Variants in DEFB107B observed in about 807,000 individuals in gnomAD.
The protein encoded by DEFB107B is beta-defensin 107.
intron 1 of DEFB107B, among the ~76,000 whole-genome samples, chr8:7,497,562 C>T (rs1811801327): frequency 6.6e-6 from 1 of 152,142 alleles, no homozygotes; most frequent in Non-Finnish European, 1.5e-5. Context: ...TCAGTGACTC[C>T]ATGAAAGTCT....
chr8:7,496,435 G>A (rs1342423626), intron 1 of DEFB107B, among the ~76,000 whole-genome samples: 1 of 149,180 alleles, frequency 6.7e-6, no homozygotes, highest in East Asian at 2.0e-4. Context: ...GAGTAGCTGG[G>A]ACTACACGCA....
intron 1 of DEFB107B, among the ~76,000 whole-genome samples, chr8:7,496,633 A>G: frequency 8.0e-6 from 1 of 124,972 alleles, no homozygotes; most frequent in African/African-American, 3.1e-5. Flanking sequence ...TAAAATGAAA[A>G]AAAAAAAAAA....
At chr8:7,496,591 C>G (rs1434136782) in intron 1 of DEFB107B, among the ~76,000 whole-genome samples, 1 of 146,766 alleles carries the variant, frequency 6.8e-6, no homozygotes, top group African/African-American at 2.5e-5. Context: ...TGAGCCACCG[C>G]GCCTGGCCAG....
intron 1 of DEFB107B, among the ~76,000 whole-genome samples, chr8:7,496,571 A>G (rs1811752277): frequency 6.7e-6 from 1 of 150,316 alleles, no homozygotes; most frequent in South Asian, 2.1e-4. Context: ...GAGCCCTGGG[A>G]TTACAGGCAT....
chr8:7,496,518 T>C (rs2946413), intron 1 of DEFB107B, among the ~76,000 whole-genome samples: 2 of 152,032 alleles, frequency 1.3e-5, no homozygotes, highest in Non-Finnish European at 2.9e-5. Context: ...GCCAGGATGG[T>C]CTTGATGTCC....
chr8:7,500,468 G>C (rs1811854799), intron 1 of DEFB107B, among the ~76,000 whole-genome samples: 1 of 38,740 alleles, frequency 2.6e-5, no homozygotes, highest in Non-Finnish European at 6.6e-5. Context: ...CCTCAGGTTT[G>C]GCAGGGCAGC....
intron 1 of DEFB107B, among the ~76,000 whole-genome samples, chr8:7,508,077 A>ATGTGTGTG (rs1392493404): frequency 7.4e-5 from 1 of 13,550 alleles, no homozygotes. Context: ...GTATATATAT[A>ATGTGTGTG]TATATATGTG....
At chr8:7,496,674 C>G (rs1811759639) in intron 1 of DEFB107B, among the ~76,000 whole-genome samples, 2 of 123,024 alleles carry the variant, frequency 1.6e-5, no homozygotes, top group Admixed American at 8.4e-5. Context: ...CAAGGAAATG[C>G]CAAACATATT....
At position 7,497,337 on chromosome 8, in the gene DEFB107B, G is replaced by C. The variant is rs538532664; in HGVS notation, c.70+1334G>C. Reference sequence around the variant, plus strand: ...CATGTATAAGTAAGTATATCAATGAGACAGGAAAATTCACAAATAACTTTA... The same window carrying C: ...CATGTATAAGTAAGTATATCAATGACACAGGAAAATTCACAAATAACTTTA... On this transcript the variant is annotated intron_variant, in intron 1 of 1. Coordinates refer to ENST00000355602, the MANE Select transcript of DEFB107B (RefSeq NM_001040705.2). Among the ~76,000 whole-genome samples, 9 of 152,378 alleles carry C rather than the reference G, an allele frequency of 5.9e-5. No individual in the cohort carries two copies. The East Asian group carries it at 1.7e-3, about 29-fold the overall frequency.
At chr8:7,496,680 A>G (rs932479276) in intron 1 of DEFB107B, among the ~76,000 whole-genome samples, 8 of 127,862 alleles carry the variant, frequency 6.3e-5, no homozygotes, top group Non-Finnish European at 3.3e-5. Flanking sequence ...AATGCCAAAC[A>G]TATTTGTTAA....
At chr8:7,496,509 C>G (rs1274808720) in intron 1 of DEFB107B, among the ~76,000 whole-genome samples, 16 of 151,986 alleles carry the variant, frequency 1.1e-4, no homozygotes, top group Non-Finnish European at 1.5e-5. Flanking sequence ...ACCGTGTTAG[C>G]CAGGATGGTC....
chr8:7,498,561 TC>T (rs1177633082), intron 1 of DEFB107B, among the ~76,000 whole-genome samples: 5 of 3,216 alleles, frequency 1.6e-3, no homozygotes, highest in Middle Eastern at 0.045. Flanking sequence ...AGTTTTTGTG[TC>T]CCTGGGTACT....
intron 1 of DEFB107B, among the ~76,000 whole-genome samples, chr8:7,508,590 T>C (rs1424604431): frequency 9.2e-5 from 12 of 130,312 alleles, no homozygotes; most frequent in Non-Finnish European, 1.6e-4. Context: ...ACTAGCATCA[T>C]GTTGTTTATC....
At chr8:7,496,341 C>G (rs1162391675) in intron 1 of DEFB107B, among the ~76,000 whole-genome samples, 1 of 65,928 alleles carries the variant, frequency 1.5e-5, no homozygotes, top group Non-Finnish European at 2.8e-5. Context: ...GCGCTGTCGC[C>G]CAGGCTGGAG....
At chr8:7,496,577 G>C (rs1248904546) in intron 1 of DEFB107B, among the ~76,000 whole-genome samples, 1 of 149,374 alleles carries the variant, frequency 6.7e-6, no homozygotes, top group African/African-American at 2.5e-5. Flanking sequence ...TGGGATTACA[G>C]GCATGAGCCA....
rs371562468 is a variant in DEFB107B, at chr8:7,497,988, C to T, written c.70+1985C>T. Among the ~76,000 whole-genome samples the T allele has an allele frequency of 2.0e-4, 4 of 19,892 alleles. 2 individuals are homozygous for T. Among genetic ancestry groups the T allele is most frequent in the Non-Finnish European group, 4.0e-4 (2 of 5,056 alleles). The allele number at this position is 19,892 out of a possible 152,430, so 13.0% of individuals were successfully genotyped here. A position where few individuals can be genotyped will look rare whatever the true frequency, so the allele number is the denominator to read the frequency against. ...GTATAGAGAAAGAAATAAGGGGACC[C>T]GGGGAACCAGCATTCAGCATATGGA... On this transcript the variant is annotated intron_variant, in intron 1 of 1. Coordinates refer to ENST00000355602, the MANE Select transcript of DEFB107B (RefSeq NM_001040705.2).
At chr8:7,508,299 AT>A (rs1290648342) in intron 1 of DEFB107B, among the ~76,000 whole-genome samples, 9 of 138,136 alleles carry the variant, frequency 6.5e-5, no homozygotes. Context: ...ACATGATAAT[AT>A]TTCAGATATA....
chr8:7,508,275 A>G (rs1408799293), intron 1 of DEFB107B, among the ~76,000 whole-genome samples: 1 of 139,788 alleles, frequency 7.2e-6, no homozygotes, highest in East Asian at 2.1e-4. Context: ...CTTGGCACTA[A>G]CAAAATATAT....
chr8:7,507,811 T>G (rs1422185429), intron 1 of DEFB107B, among the ~76,000 whole-genome samples: 5 of 143,128 alleles, frequency 3.5e-5, no homozygotes, highest in African/African-American at 5.7e-5. Context: ...CATGTGGACA[T>G]ATAGAAATAG....
Sources: gnomAD v4.1 joint callset for allele counts (sites outside exome capture counted in the v4.1 genomes callset) on GRCh38, gnomAD v4.1.1 for gene constraint, MANE v1.5 for transcripts, NCBI Gene and HGNC (gene_info 2026-07-23, HGNC 2026-07-21) for gene names.